The following CHD6 variants were observed in gnomAD, a reference collection of about 807,000 sequenced individuals.
CHD6 encodes the protein ATP-dependent chromatin remodeler CHD6.
CHD6 carries 50 observed loss-of-function variants against 276.9 expected under a neutral mutation model. The observed-to-expected ratio is 0.18, with a 90% CI of 0.14 to 0.23. The LOEUF (loss-of-function observed/expected upper bound fraction) is 0.23, where lower values mean the gene tolerates loss of function less well. Ranked by LOEUF, CHD6 falls within the 10% of genes least tolerant of loss-of-function variation. The pLI is 1.00. For missense variants in CHD6, 2,564 were observed against 3,365.8 expected (o/e 0.76, Z 5.89); for synonymous variants, 1,173 against 1,229.3 (o/e 0.95, Z 0.96).
At chr20:41,541,202 T>C (rs973735719) in intron 2 of CHD6, among the ~76,000 whole-genome samples, 1 of 152,220 alleles carries the variant, frequency 6.6e-6, no homozygotes, top group Admixed American at 6.5e-5. Context: ...TCTTTCTTTT[T>C]CTGCATTTAG....
In CHD6 at chr20:41,415,263, T is replaced by C; in HGVS notation, c.6862A>G (p.Arg2288Gly). ...RRDDAATRRR[R>G]GRRKHVEGGM... ...CCTTCAACATGTTTCCGCCTCCCTC[T>C]CCGCCTCCTCGTGGCTGCATCATCT... The change falls in exon 34 of 37, where the codon AGA (arginine) becomes GGA (glycine). Residue 2288 changes from arginine (R) to glycine (G), a missense_variant. Arg to Gly is a moderately radical substitution (Grantham distance 125). Around this residue, in one of 7 missense-constraint regions of CHD6, gnomAD observed 1,024 missense variants for 1,047.9 expected, o/e 0.98. Transcript: ENST00000373233. 1 of 1,614,156 alleles carries C rather than the reference T, an allele frequency of 6.2e-7. No homozygotes were observed. Among genetic ancestry groups the C allele is most frequent in the Non-Finnish European group, 8.5e-7 (1 of 1,180,040 alleles).
rs773724422 is a variant in CHD6 at position 41,473,485 on chromosome 20, C to T, written c.2501G>A (p.Arg834Gln). The T allele has an allele frequency of 2.5e-6, 4 of 1,613,988 alleles. No individual in the cohort carries two copies. The highest frequency in any genetic ancestry group is 3.3e-5 in the Admixed American group (2 of 60,002). Residue 834 changes from arginine to glutamine, a missense_variant, in exon 17 of 37, where the codon CGG becomes CAG. Physicochemically the swap from Arg to Gln is conservative, Grantham distance 43 (BLOSUM62 1). This residue lies in a region of CHD6 where 457 missense variants were observed against 889.0 expected (regional missense o/e 0.51). Transcript: ENST00000373233. The surrounding 1 kb of genome is among the most constrained non-coding windows in gnomAD (Gnocchi z 4.1). ...YTYERIDGRV[R>Q]GNLRQAAIDR... Reference sequence around the variant, plus strand: ...GATGGCTGCCTGGCGCAGGTTTCCCCGTACTCGCCCATCAATTCGCTCATA... The same window carrying T: ...GATGGCTGCCTGGCGCAGGTTTCCCTGTACTCGCCCATCAATTCGCTCATA...
chr20:41,410,032 T>C (rs915944309), intron 36 of CHD6, among the ~76,000 whole-genome samples: 1 of 152,174 alleles, frequency 6.6e-6, no homozygotes, highest in African/African-American at 2.4e-5. Context: ...GATAATTCTG[T>C]GGACACCACC....
At chr20:41,502,659 G>A (rs771992787) in intron 5 of CHD6, among the ~76,000 whole-genome samples, 3 of 152,176 alleles carry the variant, frequency 2.0e-5, no homozygotes, top group African/African-American at 7.2e-5. Context: ...ATTAAAAAAT[G>A]CCCTGCTTAG....
chr20:41,438,111 C>A (rs1428365387), intron 26 of CHD6, among the ~76,000 whole-genome samples: 1 of 152,168 alleles, frequency 6.6e-6, no homozygotes, highest in Non-Finnish European at 1.5e-5. Context: ...ATGAATCTTC[C>A]CACAGAATCA....
chr20:41,497,948 G>A (rs2043728200), intron 7 of CHD6: 1 of 527,740 alleles, frequency 1.9e-6, no homozygotes, highest in Non-Finnish European at 3.4e-6. Flanking sequence ...ATGGTCTTGG[G>A]TGGAGCAAAG....
chr20:41,415,778 C>T (rs1280326246), intron 33 of CHD6, 140 bp from the exon 34 acceptor site: 2 of 634,714 alleles, frequency 3.2e-6, no homozygotes, highest in Non-Finnish European at 5.4e-6. Context: ...CAGGCCTCCT[C>T]AAACCTGAAC....
chr20:41,613,488 G>A (rs570952622), intron 1 of CHD6, among the ~76,000 whole-genome samples: 2 of 152,330 alleles, frequency 1.3e-5, no homozygotes, highest in Admixed American at 6.5e-5. Flanking sequence ...CAAGGGCAAC[G>A]AATGGCTTCC....
intron 1 of CHD6, among the ~76,000 whole-genome samples, chr20:41,598,514 T>G (rs944078049): frequency 3.9e-5 from 6 of 152,288 alleles, no homozygotes; most frequent in Non-Finnish European, 4.4e-5. Flanking sequence ...CCCTTTCTAC[T>G]TGGATGGTCC....
At chr20:41,546,793 TAGA>T (rs2146129502) in intron 2 of CHD6, among the ~76,000 whole-genome samples, 1 of 152,350 alleles carries the variant, frequency 6.6e-6, no homozygotes, top group South Asian at 2.1e-4. Flanking sequence ...CTTTTTAATG[TAGA>T]TAAAAGTCTA....
rs1253221333 is a variant in CHD6 at position 41,484,217 on chromosome 20, T to C, written c.2257+135A>G. 8.7e-6 allele frequency: 10 copies of C among 1,152,572 alleles called. No homozygotes were observed. The East Asian group carries it at 1.4e-4, about 16-fold the overall frequency. 71.4% of individuals were successfully genotyped at this position (1,152,572 alleles called of 1,614,324 possible). On this transcript the variant is annotated intron_variant, in intron 15 of 36. Transcript: ENST00000373233. ...CATCAAGCTCTCTGAATCTCAGTTT[T>C]ATACTCTGTAAAAAGGTGAGAATGC...
chr20:41,569,569 G>A (rs2045394631), intron 1 of CHD6, among the ~76,000 whole-genome samples: 1 of 152,020 alleles, frequency 6.6e-6, no homozygotes. Flanking sequence ...TTGTTTCTTG[G>A]TAAACAGTAC....
Position 41,440,145 on chromosome 20 carries a change from G to C in CHD6, c.3878-16C>G. ...CTTTCATAACCTGATCAAGAGTGGTGAGAAATGCCAGAAGTCATGTTAGAA... is the reference window on the plus strand; with the variant it reads ...CTTTCATAACCTGATCAAGAGTGGTCAGAAATGCCAGAAGTCATGTTAGAA... On this transcript the variant is annotated splice_polypyrimidine_tract_variant and intron_variant, in intron 25 of 36. Coordinates refer to ENST00000373233, the MANE Select transcript of CHD6 (RefSeq NM_032221.5). The C allele has an allele frequency of 2.5e-6, 4 of 1,609,908 alleles. No homozygotes were observed. The highest frequency in any genetic ancestry group is 3.4e-6 in the Non-Finnish European group (4 of 1,176,664).
intron 17 of CHD6, among the ~76,000 whole-genome samples, chr20:41,468,698 C>G (rs2042985023): frequency 6.6e-6 from 1 of 152,214 alleles, no homozygotes; most frequent in Middle Eastern, 3.4e-3. Context: ...CCTCCAAACT[C>G]CAGACACACG....
intron 1 of CHD6, chr20:41,614,901 G>A (rs1334493425): frequency 6.6e-6 from 1 of 152,226 alleles, no homozygotes; most frequent in African/African-American, 2.4e-5. Flanking sequence ...ACTCCATGGA[G>A]ACAAAAGTGG....
intron 1 of CHD6, among the ~76,000 whole-genome samples, chr20:41,601,166 C>G (rs1273680617): frequency 6.6e-6 from 1 of 152,172 alleles, no homozygotes; most frequent in African/African-American, 2.4e-5. Flanking sequence ...AACCTCCTCA[C>G]CCTCCTTCTA....
chr20:41,550,768 C>T (rs1378127542), intron 2 of CHD6, among the ~76,000 whole-genome samples: 1 of 152,148 alleles, frequency 6.6e-6, no homozygotes, highest in Non-Finnish European at 1.5e-5. Context: ...ATAGCAGTAC[C>T]AACCAAGGAA....
intron 2 of CHD6, among the ~76,000 whole-genome samples, chr20:41,549,856 T>C (rs953072762): frequency 6.6e-6 from 1 of 152,208 alleles, no homozygotes; most frequent in African/African-American, 2.4e-5. Context: ...TGGAGTCCAA[T>C]GGTGCAATCT....
At chr20:41,571,701 TA>T (rs910713736) in intron 1 of CHD6, among the ~76,000 whole-genome samples, 23 of 147,758 alleles carry the variant, frequency 1.6e-4, no homozygotes, top group South Asian at 4.3e-4. Context: ...TTTTAAACAT[TA>T]AAAAAAAAAG....
Sources: allele counts gnomAD v4.1 joint callset (sites outside exome capture counted in the v4.1 genomes callset), GRCh38; gene constraint gnomAD v4.1.1; regional missense constraint gnomAD v4.1.1; non-coding constraint Gnocchi (gnomAD v3.1); transcripts MANE v1.5; gene names NCBI Gene and HGNC (gene_info 2026-07-23, HGNC 2026-07-21).